Variants in FER observed in about 807,000 individuals in gnomAD.
FER encodes the protein FER tyrosine kinase.
A neutral mutation model predicts 111.0 loss-of-function variants in FER; 63 were observed. That is an observed-to-expected ratio of 0.57 (90% CI 0.46 to 0.70). The LOEUF is 0.70. FER is among the 30% of genes least tolerant of loss of function. The pLI, the probability that FER is intolerant of heterozygous loss-of-function variation, is 0.00. For synonymous variants in FER, 327 were observed against 313.9 expected, an observed-to-expected ratio of 1.04 and a Z score of -0.44; for missense variants, 914 against 954.0, an observed-to-expected ratio of 0.96 and a Z score of 0.55.
intron 17 of FER, among the ~76,000 whole-genome samples, chr5:109,153,223 TC>T (rs138802358): frequency 0.034 from 5,104 of 148,734 alleles, 137 homozygotes; most frequent in South Asian, 0.085. Context: ...AAAAAAAAAA[TC>T]AATTTGGACA....
intron 17 of FER, among the ~76,000 whole-genome samples, chr5:109,149,084 A>AT (rs1754542558): frequency 7.9e-6 from 1 of 126,466 alleles, no homozygotes; most frequent in Non-Finnish European, 1.8e-5. Context: ...TTTCTGATAT[A>AT]TTAAAAAAAA....
chr5:109,153,810 T>C (rs1220010732), intron 17 of FER, among the ~76,000 whole-genome samples: 2 of 151,942 alleles, frequency 1.3e-5, no homozygotes, highest in African/African-American at 2.4e-5. Flanking sequence ...GTCCTTGTAT[T>C]TAACCATTAG....
At chr5:108,907,748 T>G (rs1404801435) in intron 10 of FER, among the ~76,000 whole-genome samples, 1 of 151,836 alleles carries the variant, frequency 6.6e-6, no homozygotes, top group Non-Finnish European at 1.5e-5. Flanking sequence ...CTAAGTACTC[T>G]GATGAAATTA....
chr5:109,003,430 C>T (rs985057438), intron 13 of FER, among the ~76,000 whole-genome samples: 1 of 152,076 alleles, frequency 6.6e-6, no homozygotes, highest in African/African-American at 2.4e-5. Context: ...AACACATGGA[C>T]ACAGGAAGGG....
intron 13 of FER, among the ~76,000 whole-genome samples, chr5:108,969,044 A>T (rs1268415390): frequency 6.6e-6 from 1 of 152,194 alleles, no homozygotes; most frequent in East Asian, 1.9e-4. Flanking sequence ...AGATGTGGAT[A>T]AAAATGCTCT....
chr5:108,875,403 T>C (rs964894309), intron 8 of FER, among the ~76,000 whole-genome samples: 7 of 152,086 alleles, frequency 4.6e-5, no homozygotes, highest in Non-Finnish European at 7.4e-5. Context: ...CATCTGCCTC[T>C]TTTTTTGCAT....
intron 5 of FER, among the ~76,000 whole-genome samples, chr5:108,836,765 G>A (rs1355287811): frequency 6.6e-6 from 1 of 151,958 alleles, no homozygotes; most frequent in Non-Finnish European, 1.5e-5. Context: ...TGATTTAAAT[G>A]CAGTTCTTTC....
At chr5:109,115,493 T>G (rs1750116134) in intron 17 of FER, among the ~76,000 whole-genome samples, 1 of 152,132 alleles carries the variant, frequency 6.6e-6, no homozygotes. Flanking sequence ...TCTTAACTAA[T>G]TATCTCTACA....
At chr5:109,104,976 C>T (rs191577238) in intron 17 of FER, among the ~76,000 whole-genome samples, 4 of 152,162 alleles carry the variant, frequency 2.6e-5, no homozygotes, top group African/African-American at 4.8e-5. Flanking sequence ...ATCTCCTGAC[C>T]TCGTGATCCG....
At chr5:109,123,943 A>C (rs1751336364) in intron 17 of FER, among the ~76,000 whole-genome samples, 1 of 152,182 alleles carries the variant, frequency 6.6e-6, no homozygotes, top group South Asian at 2.1e-4. Flanking sequence ...AAGAAATATT[A>C]AAAGAGCATG....
chr5:108,988,767 G>A (rs1762844598), intron 13 of FER, among the ~76,000 whole-genome samples: 1 of 151,780 alleles, frequency 6.6e-6, no homozygotes, highest in Admixed American at 6.6e-5. Flanking sequence ...GTTGTTGTTG[G>A]TTTTGGTGTT....
intron 17 of FER, among the ~76,000 whole-genome samples, chr5:109,154,156 C>G (rs1755127364): frequency 6.6e-6 from 1 of 151,758 alleles, no homozygotes; most frequent in South Asian, 2.1e-4. Flanking sequence ...ATAATTGGAA[C>G]CAGAAAACAA....
chr5:109,052,696 A>C (rs1773015499), intron 16 of FER, among the ~76,000 whole-genome samples: 1 of 152,244 alleles, frequency 6.6e-6, no homozygotes, highest in African/African-American at 2.4e-5. Context: ...TGATTAGATC[A>C]GGCACACCTG....
intron 13 of FER, among the ~76,000 whole-genome samples, chr5:108,977,268 AT>A (rs1277287740): frequency 6.6e-6 from 1 of 152,198 alleles, no homozygotes; most frequent in Non-Finnish European, 1.5e-5. Context: ...TTGTGTATAA[AT>A]TCTGATAAAT....
At chr5:108,768,524 T>C (rs968687307) in intron 2 of FER, among the ~76,000 whole-genome samples, 1 of 152,232 alleles carries the variant, frequency 6.6e-6, no homozygotes, top group Non-Finnish European at 1.5e-5. Flanking sequence ...AGTCCTATAT[T>C]TTCAACCATT....
chr5:108,834,180 G>A (rs1320083380), intron 4 of FER, among the ~76,000 whole-genome samples: 1 of 152,078 alleles, frequency 6.6e-6, no homozygotes, highest in African/African-American at 2.4e-5. Context: ...ATCTTATGAT[G>A]TGATTTCACA....
chr5:109,021,633 T>C (rs1164657373), intron 13 of FER, among the ~76,000 whole-genome samples: 2 of 152,106 alleles, frequency 1.3e-5, no homozygotes, highest in African/African-American at 4.8e-5. Context: ...TTTATAACAT[T>C]ACTGAAGCTT....
At chr5:108,760,234 T>G (rs1028410041) in intron 1 of FER, among the ~76,000 whole-genome samples, 1 of 151,362 alleles carries the variant, frequency 6.6e-6, no homozygotes, top group African/African-American at 2.4e-5. Flanking sequence ...TGTAAACAGA[T>G]GTGCTGTCAT....
At chr5:108,809,736 T>TAGAGATGGG (rs1757557246) in intron 3 of FER, among the ~76,000 whole-genome samples, 1 of 152,150 alleles carries the variant, frequency 6.6e-6, no homozygotes, top group Admixed American at 6.5e-5. Context: ...CTAATTTTTG[T>TAGAGATGGG]ATATTTTGTA....
Sources: gnomAD v4.1 joint callset for allele counts (sites outside exome capture counted in the v4.1 genomes callset) on GRCh38, gnomAD v4.1.1 for gene constraint, MANE v1.5 for transcripts, NCBI Gene and HGNC (gene_info 2026-07-23, HGNC 2026-07-21) for gene names.